The following ADAMTS16 variants were observed in gnomAD, a reference collection of about 807,000 sequenced individuals.
The protein encoded by ADAMTS16 is ADAM metallopeptidase with thrombospondin type 1 motif 16, also known as A disintegrin and metalloproteinase with thrombospondin motifs 16.
In ADAMTS16, 94 loss-of-function variants were observed where a neutral mutation model predicts 145.8. The ratio of observed to expected loss-of-function variants is 0.64; its 90% CI spans 0.55 to 0.77. The LOEUF is 0.77. Among genes scored for constraint, ADAMTS16 ranks in the 30% least tolerant of loss-of-function variants. The pLI is 0.00. For synonymous variants in ADAMTS16, 659 were observed against 604.3 expected, an observed-to-expected ratio of 1.09 and a Z score of -1.33; for missense variants, 1,585 against 1,591.5, an observed-to-expected ratio of 1.00 and a Z score of 0.07.
At chr5:5,268,316 C>A (rs1738325824) in intron 18 of ADAMTS16, among the ~76,000 whole-genome samples, 1 of 152,202 alleles carries the variant, frequency 6.6e-6, no homozygotes. Context: ...ACGTCAGCCT[C>A]CTTCAGGAGC....
intron 18 of ADAMTS16, among the ~76,000 whole-genome samples, chr5:5,284,175 T>A (rs1739031388): frequency 6.6e-6 from 1 of 152,214 alleles, no homozygotes; most frequent in Non-Finnish European, 1.5e-5. Flanking sequence ...TCATTGCTTA[T>A]GCCACTCTTT....
chr5:5,185,224 A>T (rs1735465251), intron 4 of ADAMTS16, among the ~76,000 whole-genome samples: 1 of 152,230 alleles, frequency 6.6e-6, no homozygotes, highest in African/African-American at 2.4e-5. Context: ...TGGATGTACT[A>T]GTCAAACAAA....
chr5:5,232,600 C>CATT, intron 12 of ADAMTS16, 84 bp downstream of exon 12: 1 of 904,502 alleles, frequency 1.1e-6, no homozygotes, highest in Non-Finnish European at 1.5e-6. Context: ...TGTCTCAGCT[C>CATT]TTTTTTTTTT....
intron 4 of ADAMTS16, among the ~76,000 whole-genome samples, chr5:5,184,310 C>T (rs1735435837): frequency 7.1e-6 from 1 of 139,862 alleles, no homozygotes; most frequent in Admixed American, 7.0e-5. Flanking sequence ...CCCTATGTCA[C>T]CTACACACAG....
intron 18 of ADAMTS16, among the ~76,000 whole-genome samples, chr5:5,286,731 A>T (rs960209656): frequency 1.3e-5 from 2 of 151,526 alleles, no homozygotes; most frequent in Non-Finnish European, 2.9e-5. Context: ...GGTGGCGAGC[A>T]CCTGTAGTCC....
chr5:5,190,787 G>T (rs1735643863), intron 7 of ADAMTS16, among the ~76,000 whole-genome samples: 1 of 152,126 alleles, frequency 6.6e-6, no homozygotes, highest in Admixed American at 6.5e-5. Context: ...TTAACGTGGT[G>T]TCCCGGCTGC....
chr5:5,234,612 C>T (rs777817257), intron 12 of ADAMTS16, among the ~76,000 whole-genome samples: 4 of 152,202 alleles, frequency 2.6e-5, no homozygotes, highest in African/African-American at 9.7e-5. Flanking sequence ...TGGCTTCTAC[C>T]TGTAATCCCA....
At position 5,319,917 on chromosome 5, in the gene ADAMTS16, C is replaced by T; in HGVS notation, c.*779C>T. On this transcript the variant is annotated 3_prime_UTR_variant, in exon 23 of 23. Transcript: ENST00000274181. ...AAGTGAGTGTCCTTTTAAAAACACA[C>T]TTCTTCATGCTTTTCTTTGTAAATG... 1 of 455,444 alleles carries T rather than the reference C, an allele frequency of 2.2e-6. No individual in the cohort carries two copies. The highest frequency in any genetic ancestry group is 4.4e-6 in the Non-Finnish European group (1 of 226,782). The allele number at this position is 455,444 out of a possible 1,614,324, so 28.2% of individuals were successfully genotyped here.
intron 17 of ADAMTS16, among the ~76,000 whole-genome samples, chr5:5,252,773 A>G (rs1289380263): frequency 6.6e-6 from 1 of 152,172 alleles, no homozygotes; most frequent in Non-Finnish European, 1.5e-5. Flanking sequence ...CGTGTACACC[A>G]GGCAGTTTCC....
intron 18 of ADAMTS16, among the ~76,000 whole-genome samples, chr5:5,298,960 C>T (rs1437314575): frequency 2.6e-5 from 4 of 152,034 alleles, no homozygotes; most frequent in Non-Finnish European, 5.9e-5. Context: ...GGAGTCCCCA[C>T]GTCTAACTCT....
At chr5:5,215,798 ATATATATG>A in intron 10 of ADAMTS16, among the ~76,000 whole-genome samples, 1 of 125,618 alleles carries the variant, frequency 8.0e-6, no homozygotes, top group African/African-American at 3.0e-5. Context: ...TATGTGTGGT[ATATATATG>A]TGTGGTATAT....
intron 18 of ADAMTS16, among the ~76,000 whole-genome samples, chr5:5,263,801 T>TG (rs1373077729): frequency 1.3e-5 from 2 of 152,122 alleles, no homozygotes; most frequent in African/African-American, 4.8e-5. Flanking sequence ...GACCCTGTAG[T>TG]GGGGGGCAGC....
rs144363605 is a variant in ADAMTS16, at chr5:5,308,531, G to A, written c.3411+1803G>A. ...CCAAGGAGGAGGGAGCACCCTCCCA[G>A]GGAGCACCTCACACCCTCAACCTCC... is the stretch of plus-strand genomic sequence containing the variant. On this transcript the variant is annotated intron_variant, in intron 21 of 22. Transcript: ENST00000274181. Among the ~76,000 whole-genome samples, 22 of 152,254 alleles carry A rather than the reference G, an allele frequency of 1.4e-4. No homozygotes were observed. The East Asian group carries it at 4.3e-3, about 29-fold the overall frequency.
chr5:5,309,131 T>A (rs914361932), intron 21 of ADAMTS16, among the ~76,000 whole-genome samples: 3 of 152,174 alleles, frequency 2.0e-5, no homozygotes, highest in Admixed American at 2.0e-4. Context: ...CATCCCTCTC[T>A]ACGGGAATTG....
At chr5:5,170,779 A>G (rs1438389046) in intron 3 of ADAMTS16, among the ~76,000 whole-genome samples, 2 of 151,772 alleles carry the variant, frequency 1.3e-5, no homozygotes, top group African/African-American at 2.4e-5. Flanking sequence ...TCAGATGGGT[A>G]CTTTGCAGAC....
At chr5:5,295,921 C>A (rs373614831) in intron 18 of ADAMTS16, among the ~76,000 whole-genome samples, 1 of 152,148 alleles carries the variant, frequency 6.6e-6, no homozygotes, top group East Asian at 1.9e-4. Context: ...CCATTACAAC[C>A]TTCTATGTCC....
chr5:5,239,467 T>C (rs537084874), intron 15 of ADAMTS16, among the ~76,000 whole-genome samples, 193 bp downstream of exon 15: 1 of 152,232 alleles, frequency 6.6e-6, no homozygotes, highest in African/African-American at 2.4e-5. Flanking sequence ...GCAATAAAAT[T>C]GTTCTTAGGA....
At chr5:5,311,809 C>T (rs1294948435) in intron 21 of ADAMTS16, among the ~76,000 whole-genome samples, 2 of 151,744 alleles carry the variant, frequency 1.3e-5, no homozygotes, top group South Asian at 2.1e-4. Flanking sequence ...CTCCGCCTCC[C>T]GGGTTCAAGC....
At chr5:5,187,444 G>A (rs1735534027) in intron 5 of ADAMTS16, among the ~76,000 whole-genome samples, 1 of 152,130 alleles carries the variant, frequency 6.6e-6, no homozygotes, top group African/African-American at 2.4e-5. Flanking sequence ...TCATCATCAT[G>A]ATTAGCTTAA....
Sources: allele counts gnomAD v4.1 joint callset (sites outside exome capture counted in the v4.1 genomes callset), GRCh38; gene constraint gnomAD v4.1.1; transcripts MANE v1.5; gene names NCBI Gene and HGNC (gene_info 2026-07-23, HGNC 2026-07-21).